The following FNIP1 variants were observed in gnomAD, a reference collection of about 807,000 sequenced individuals.
The protein encoded by FNIP1 is folliculin interacting protein 1, also known as folliculin-interacting protein 1.
In FNIP1, 40 loss-of-function variants were observed where a neutral mutation model predicts 124.5. The ratio of observed to expected loss-of-function variants is 0.32; its 90% CI spans 0.25 to 0.42. The LOEUF is 0.42. Among genes scored for constraint, FNIP1 ranks in the 10% least tolerant of loss-of-function variants. The pLI is 1.00. For missense variants in FNIP1, 1,176 were observed against 1,403.7 expected, an observed-to-expected ratio of 0.84 and a Z score of 2.59; for synonymous variants, 472 against 470.6, an observed-to-expected ratio of 1.00 and a Z score of -0.04.
intron 2 of FNIP1, among the ~76,000 whole-genome samples, chr5:131,737,688 A>G (rs1770360928): frequency 6.6e-6 from 1 of 152,184 alleles, no homozygotes; most frequent in African/African-American, 2.4e-5. Flanking sequence ...TTTACTCTTT[A>G]CATGTAAAGA....
intron 8 of FNIP1, among the ~76,000 whole-genome samples, chr5:131,707,640 CT>C (rs796648170): frequency 8.6e-4 from 131 of 152,194 alleles, no homozygotes; most frequent in African/African-American, 3.0e-3. Flanking sequence ...ATTATAAACT[CT>C]TGTAGTCCAA....
chr5:131,721,176 G>C (rs538977693), intron 3 of FNIP1, among the ~76,000 whole-genome samples: 1 of 152,064 alleles, frequency 6.6e-6, no homozygotes, highest in African/African-American at 2.4e-5. Flanking sequence ...TCTGCAACAC[G>C]CAACACGGAT....
chr5:131,768,598 T>C (rs527781024), intron 1 of FNIP1, among the ~76,000 whole-genome samples: 1 of 152,128 alleles, frequency 6.6e-6, no homozygotes, highest in African/African-American at 2.4e-5. Context: ...CCACCTGAGG[T>C]CAGGAGTTCA....
intron 3 of FNIP1, among the ~76,000 whole-genome samples, chr5:131,729,315 G>A (rs1375487011): frequency 6.6e-6 from 1 of 152,214 alleles, no homozygotes; most frequent in Non-Finnish European, 1.5e-5. Flanking sequence ...CTCTGTCCCA[G>A]GGAGATGGGA....
intron 1 of FNIP1, among the ~76,000 whole-genome samples, chr5:131,792,005 A>ACTACTT (rs1772421559): frequency 6.6e-6 from 1 of 152,196 alleles, no homozygotes; most frequent in Admixed American, 6.5e-5. Context: ...AACAGTAACA[A>ACTACTT]CTACTTCTGG....
rs547134763 is a variant in FNIP1, at chr5:131,744,596, C to T, written c.187G>A (p.Val63Ile). Residue 63 changes from valine (V) to isoleucine (I), a missense_variant, in exon 2 of 18, where the codon GTT becomes ATT. Val to Ile is a conservative substitution (Grantham distance 29). Coordinates refer to ENST00000510461, the MANE Select transcript of FNIP1 (RefSeq NM_133372.3). ...GATATGTCCTCATTTCTTCTCTTAA[C>T]ACTGGAGTCAAACAAAACATTTCTC... is the stretch of plus-strand genomic sequence containing the variant. Reference protein sequence around the residue: ...RGRNVLFDSSVKRRNEDISVS... With the variant: ...RGRNVLFDSSIKRRNEDISVS... 1.2e-5 allele frequency: 20 copies of T among 1,609,674 alleles called. No individual in the cohort carries two copies. In the East Asian group the frequency reaches 4.5e-4, roughly 36 times the overall value.
At chr5:131,776,400 T>C (rs1771806215) in intron 1 of FNIP1, among the ~76,000 whole-genome samples, 1 of 152,190 alleles carries the variant, frequency 6.6e-6, no homozygotes, top group Non-Finnish European at 1.5e-5. Context: ...AGCTAAAGTA[T>C]TCAGCATCTG....
At chr5:131,698,320 C>T (rs780350705) in intron 11 of FNIP1, among the ~76,000 whole-genome samples, 5 of 152,126 alleles carry the variant, frequency 3.3e-5, no homozygotes, top group African/African-American at 4.8e-5. Context: ...AACCTCTTGT[C>T]GAGGGAGACA....
At chr5:131,717,332 G>T (rs987996654) in intron 5 of FNIP1, among the ~76,000 whole-genome samples, 30 of 152,190 alleles carry the variant, frequency 2.0e-4, no homozygotes, top group South Asian at 4.1e-4. Context: ...CTTTTTTATG[G>T]CTGCATAGTA....
At chr5:131,717,737 A>G (rs978602089) in intron 5 of FNIP1, among the ~76,000 whole-genome samples, 16 of 152,218 alleles carry the variant, frequency 1.1e-4, no homozygotes, top group African/African-American at 3.9e-4. Flanking sequence ...CAGAACTTAG[A>G]AAAGGTGAAA....
intron 15 of FNIP1, among the ~76,000 whole-genome samples, chr5:131,669,627 C>T (rs1473245665): frequency 6.6e-6 from 1 of 151,900 alleles, no homozygotes; most frequent in East Asian, 1.9e-4. Context: ...ATGACAAAAT[C>T]CCACACTCAT....
In FNIP1 at chr5:131,671,866, T is replaced by C; in HGVS notation, c.2578A>G (p.Ser860Gly). 6.2e-7 allele frequency: 1 copy of C among 1,614,160 alleles called. No homozygotes were observed. Among genetic ancestry groups the C allele is most frequent in the Non-Finnish European group, 8.5e-7 (1 of 1,180,034 alleles). Residue 860 changes from serine (S) to glycine (G), a missense_variant, in exon 14 of 18, where the codon AGT becomes GGT. Around this residue, in one of 2 missense-constraint regions of FNIP1, gnomAD observed 1,109 missense variants for 1,288.5 expected, o/e 0.86. Coordinates refer to ENST00000510461, the MANE Select transcript of FNIP1 (RefSeq NM_133372.3). ...DDVPFKTSTD[S>G]KDHCCMLEFS... ...TCTAACATACAGCAATGGTCTTTAC[T>C]ATCTGTACTTGTTTTAAATGGAACA...
chr5:131,647,266 C>T, intron 16 of FNIP1, 61 bp from the exon 17 acceptor site: 1 of 1,183,756 alleles, frequency 8.4e-7, no homozygotes, highest in Non-Finnish European at 1.3e-6. Context: ...TCAGTCATGG[C>T]AAACTCCAAA....
chr5:131,718,204 A>G (rs920395481), intron 5 of FNIP1, among the ~76,000 whole-genome samples: 3 of 151,798 alleles, frequency 2.0e-5, no homozygotes, highest in African/African-American at 7.3e-5. Flanking sequence ...AAAAAAAAAA[A>G]GACTACCTCC....
intron 1 of FNIP1, among the ~76,000 whole-genome samples, chr5:131,781,655 C>G (rs1428211643): frequency 1.3e-5 from 2 of 152,144 alleles, no homozygotes; most frequent in Non-Finnish European, 2.9e-5. Context: ...AGACCTACCG[C>G]TCAGAAAAAA....
chr5:131,692,567 T>A (rs530008385), intron 11 of FNIP1, among the ~76,000 whole-genome samples: 12 of 152,106 alleles, frequency 7.9e-5, no homozygotes, highest in Admixed American at 4.6e-4. Flanking sequence ...AAAGTTTATA[T>A]AGAAACAAAA....
chr5:131,692,332 T>C (rs1768509511), intron 11 of FNIP1, among the ~76,000 whole-genome samples: 1 of 142,280 alleles, frequency 7.0e-6, no homozygotes, highest in African/African-American at 2.7e-5. Flanking sequence ...CCAAAAAACA[T>C]GTATAAATCT....
intron 15 of FNIP1, among the ~76,000 whole-genome samples, chr5:131,661,877 C>G (rs898637521): frequency 1.7e-4 from 26 of 152,158 alleles, no homozygotes; most frequent in Non-Finnish European, 3.4e-4. Flanking sequence ...GAAAAAGGAT[C>G]TGTGAGAGGC....
At chr5:131,766,900 C>T (rs568073606) in intron 1 of FNIP1, among the ~76,000 whole-genome samples, 3 of 152,118 alleles carry the variant, frequency 2.0e-5, no homozygotes, top group African/African-American at 7.2e-5. Flanking sequence ...CTGTCTAGGC[C>T]CCCAGCCAAC....
Sources: allele counts gnomAD v4.1 joint callset (sites outside exome capture counted in the v4.1 genomes callset), GRCh38; gene constraint gnomAD v4.1.1; regional missense constraint gnomAD v4.1.1; transcripts MANE v1.5; gene names NCBI Gene and HGNC (gene_info 2026-07-23, HGNC 2026-07-21).